RFC3: variants seen among roughly 807,000 people sequenced by gnomAD.
The protein encoded by RFC3 is replication factor C subunit 3.
Under a neutral mutation model 45.1 loss-of-function variants are expected in RFC3, and 41 were observed. The ratio of observed to expected loss-of-function variants is 0.91; its 90% CI spans 0.71 to 1.18. The LOEUF is 1.18. RFC3 is among the 50% of genes most tolerant of loss of function. The pLI is 0.00. For missense variants in RFC3, 423 were observed against 428.1 expected (o/e 0.99, Z 0.10); for synonymous variants, 149 against 144.0 (o/e 1.03, Z -0.25).
chr13:33,971,849 C>T, the RFC3 span, among the ~76,000 whole-genome samples: 14 of 152,152 alleles, frequency 9.2e-5, no homozygotes, highest in Non-Finnish European at 1.8e-4. Context: ...CAGTGGCTCA[C>T]GCCTGTAATC....
rs76658393 is a variant in RFC3 at position 33,862,582 on chromosome 13, A to G, written c.879+27365A>G. 1.5e-4 allele frequency among the ~76,000 whole-genome samples: 23 copies of G among 152,312 alleles called. 1 individual carries two copies. In the East Asian group the frequency reaches 4.0e-3, roughly 27 times the overall value. ...GATTCATACACACACATGTCAAAATATTTTAAAAGCGAGACATGTTATAGG... is the reference window on the plus strand; with the variant it reads ...GATTCATACACACACATGTCAAAATGTTTTAAAAGCGAGACATGTTATAGG... On this transcript the variant is annotated intron_variant, in intron 8 of 8. Transcript: ENST00000434425.
intron 8 of RFC3, among the ~76,000 whole-genome samples, chr13:33,855,492 A>C (rs2082303360): frequency 6.6e-6 from 1 of 152,198 alleles, no homozygotes; most frequent in Admixed American, 6.5e-5. Context: ...GGTATATACC[A>C]GTAATGGGAT....
the RFC3 span, among the ~76,000 whole-genome samples, chr13:33,971,700 CTA>C: frequency 6.6e-6 from 1 of 152,244 alleles, no homozygotes; most frequent in African/African-American, 2.4e-5. Context: ...TTGCATTTAT[CTA>C]TGTCTCAGCA....
chr13:33,877,512 G>C (rs1015661752), intron 8 of RFC3, among the ~76,000 whole-genome samples: 4 of 152,100 alleles, frequency 2.6e-5, no homozygotes, highest in African/African-American at 9.7e-5. Flanking sequence ...GAATATGAAT[G>C]TCATTCTACA....
chr13:33,845,937 AT>A (rs1440683902), intron 8 of RFC3, among the ~76,000 whole-genome samples: 2 of 152,152 alleles, frequency 1.3e-5, no homozygotes, highest in Non-Finnish European at 2.9e-5. Flanking sequence ...TTCAGAGAAA[AT>A]TGAGTGTTGT....
intron 7 of RFC3, among the ~76,000 whole-genome samples, chr13:33,833,110 G>T (rs1474879542): frequency 6.6e-6 from 1 of 152,114 alleles, no homozygotes; most frequent in Non-Finnish European, 1.5e-5. Context: ...GAAAGCCTTG[G>T]GGCTGGCCAG....
chr13:33,842,950 C>T (rs2082210288), intron 8 of RFC3, among the ~76,000 whole-genome samples: 1 of 152,172 alleles, frequency 6.6e-6, no homozygotes, highest in Non-Finnish European at 1.5e-5. Flanking sequence ...GTGCAGTATA[C>T]ATCACAACAG....
At chr13:33,828,465 A>G (rs556160862) in intron 4 of RFC3, among the ~76,000 whole-genome samples, 1 of 152,148 alleles carries the variant, frequency 6.6e-6, no homozygotes, top group Non-Finnish European at 1.5e-5. Context: ...TGTTCTGTCA[A>G]ACCTTACTGC....
chr13:33,970,985 G>C (rs574124714), downstream of RFC3, among the ~76,000 whole-genome samples: 6 of 152,298 alleles, frequency 3.9e-5, no homozygotes, highest in East Asian at 1.2e-3. Context: ...GCCAAGCCTT[G>C]ACATCTCTGA....
intron 8 of RFC3, among the ~76,000 whole-genome samples, chr13:33,953,324 T>TAAAAA (rs11342304): frequency 9.5e-6 from 1 of 105,518 alleles, no homozygotes; most frequent in African/African-American, 3.6e-5. Context: ...TGTTGCTCTT[T>TAAAAA]AAAAAAAAAA....
intron 7 of RFC3, among the ~76,000 whole-genome samples, 156 bp downstream of exon 7, chr13:33,831,510 T>A (rs1234840673): frequency 1.4e-5 from 2 of 142,848 alleles, no homozygotes; most frequent in East Asian, 4.2e-4. Flanking sequence ...CTTCAGAAAT[T>A]TAGTGGTTCA....
intron 8 of RFC3, among the ~76,000 whole-genome samples, chr13:33,948,215 G>A (rs2082966090): frequency 6.6e-6 from 1 of 152,200 alleles, no homozygotes; most frequent in Admixed American, 6.5e-5. Flanking sequence ...AGCTGCTTCA[G>A]CTCTAGCTGT....
intron 8 of RFC3, among the ~76,000 whole-genome samples, chr13:33,855,660 A>G (rs543870377): frequency 3.9e-5 from 6 of 152,150 alleles, no homozygotes; most frequent in Non-Finnish European, 8.8e-5. Context: ...TTTTTTAACA[A>G]TAGCCATTTT....
chr13:33,863,057 G>T (rs867845455), intron 8 of RFC3, among the ~76,000 whole-genome samples: 5 of 152,314 alleles, frequency 3.3e-5, no homozygotes, highest in African/African-American at 9.6e-5. Flanking sequence ...CAGAGAATGT[G>T]TGCGTCTGTT....
intron 8 of RFC3, among the ~76,000 whole-genome samples, chr13:33,953,013 TTGAC>T (rs1418151011): frequency 2.0e-5 from 3 of 152,210 alleles, no homozygotes; most frequent in Non-Finnish European, 1.5e-5. Context: ...AAATTCTTCT[TTGAC>T]TGTGTAGAAT....
intron 8 of RFC3, among the ~76,000 whole-genome samples, chr13:33,850,982 G>A (rs981418754): frequency 2.6e-5 from 4 of 152,048 alleles, no homozygotes; most frequent in Admixed American, 1.3e-4. Context: ...TCAGTTGGAA[G>A]GGTATAAAAC....
At chr13:33,848,161 T>G (rs888135197) in intron 8 of RFC3, 1 of 152,226 alleles carries the variant, frequency 6.6e-6, no homozygotes, top group African/African-American at 2.4e-5. Context: ...CATCTCAAAC[T>G]GAACATGTTC....
At chr13:33,941,259 A>T (rs1215431249) in intron 8 of RFC3, among the ~76,000 whole-genome samples, 1 of 151,936 alleles carries the variant, frequency 6.6e-6, no homozygotes, top group East Asian at 1.9e-4. Flanking sequence ...TTTTTGCCCA[A>T]TACATTCCTC....
downstream of RFC3, among the ~76,000 whole-genome samples, chr13:33,840,453 G>A (rs1333145651): frequency 6.6e-6 from 1 of 151,978 alleles, no homozygotes; most frequent in African/African-American, 2.4e-5. Flanking sequence ...TTCTGGATCT[G>A]TTTCTATTGA....
Sources: allele counts gnomAD v4.1 joint callset (sites outside exome capture counted in the v4.1 genomes callset), GRCh38; gene constraint gnomAD v4.1.1; transcripts MANE v1.5; gene names NCBI Gene and HGNC (gene_info 2026-07-23, HGNC 2026-07-21).